TRIM45: variants seen among roughly 807,000 people sequenced by gnomAD.
TRIM45 encodes E3 ubiquitin-protein ligase TRIM45.
A neutral mutation model predicts 46.7 loss-of-function variants in TRIM45; 45 were observed. That is an observed-to-expected ratio of 0.96 (90% CI 0.76 to 1.24). TRIM45 has a LOEUF of 1.24. Among genes scored for constraint, TRIM45 ranks in the 50% most tolerant of loss-of-function variants. The pLI, the probability that TRIM45 is intolerant of heterozygous loss-of-function variation, is 0.00. For missense variants in TRIM45, 680 were observed against 728.4 expected, an observed-to-expected ratio of 0.93 and a Z score of 0.77; for synonymous variants, 259 against 285.8, an observed-to-expected ratio of 0.91 and a Z score of 0.94.
Position 117,118,692 on chromosome 1 carries a change from G to A in TRIM45, c.564C>T (p.Pro188=), listed in dbSNP as rs1650506585. 2 of 1,613,848 alleles carry A rather than the reference G, an allele frequency of 1.2e-6. No homozygotes were observed. The highest frequency in any genetic ancestry group is 2.2e-5 in the East Asian group (1 of 44,886). ...CTGCAGGGTGAACAGGACACAGGATGGGCTTCCCAATCCGGCTGTAGCCTT... is the reference window on the plus strand; with the variant it reads ...CTGCAGGGTGAACAGGACACAGGATAGGCTTCCCAATCCGGCTGTAGCCTT... ...DLKGYSRIGK[P]ILCPVHPAEE... Residue 188 remains proline, a synonymous_variant, in exon 2 of 6, where the codon CCC becomes CCT. Coordinates refer to ENST00000256649, the MANE Select transcript of TRIM45 (RefSeq NM_025188.4). The surrounding 1 kb of genome is among the most constrained non-coding windows in gnomAD (Gnocchi z 5.7).
Position 117,112,329 on chromosome 1 carries a change from A to C in TRIM45, c.1719T>G (p.Ser573Arg). Residue 573 changes from serine to arginine, a missense_variant, in exon 6 of 6, where the codon AGT becomes AGG. This residue lies in a region of TRIM45 where 322 missense variants were observed against 359.3 expected (regional missense o/e 0.90). Transcript: ENST00000256649. ...TWTGGQSAPRSLLRTVAL is the reference protein window; with the variant it reads ...TWTGGQSAPRRLLRTVAL ...ATCAGAGAGCCACAGTCCTAAGTAG[A>C]CTCCTCGGTGCGCTCTGCCCACCTG... The C allele has an allele frequency of 1.2e-6, 2 of 1,612,096 alleles. No homozygotes were observed. The highest frequency in any genetic ancestry group is 2.7e-5 in the African/African-American group (2 of 74,938).
rs1227505271 is a variant in TRIM45 at position 117,113,601 on chromosome 1, GGAC to G, written c.1468-119_1468-117del. 2.2e-6 allele frequency: 3 copies of G among 1,352,542 alleles called. No homozygotes were observed. The East Asian group carries it at 7.6e-5, about 34-fold the overall frequency. The allele number at this position is 1,352,542 out of a possible 1,614,324, so 83.8% of individuals were successfully genotyped here. A position where few individuals can be genotyped will look rare whatever the true frequency, so the allele number is the denominator to read the frequency against. Reference sequence around the variant, plus strand: ...ACAGGGCCTGTCCTTGGATGGACAAGGACAACAGGAAAGAAACAGATTAGAGGA... The same window carrying G: ...ACAGGGCCTGTCCTTGGATGGACAAGAACAGGAAAGAAACAGATTAGAGGA... On this transcript the variant is annotated intron_variant, in intron 4 of 5. Coordinates refer to ENST00000256649, the MANE Select transcript of TRIM45 (RefSeq NM_025188.4). The surrounding 1 kb of genome is among the most constrained non-coding windows in gnomAD (Gnocchi z 4.0).
rs1396678780 is a variant in TRIM45 at position 117,115,369 on chromosome 1, G to A, written c.1467+206C>T. Among the ~76,000 whole-genome samples, 2 of 152,180 alleles carry A rather than the reference G, an allele frequency of 1.3e-5. No homozygotes were observed. Among genetic ancestry groups the A allele is most frequent in the Admixed American group, 6.5e-5 (1 of 15,288 alleles). On this transcript the variant is annotated intron_variant, in intron 4 of 5. Coordinates refer to ENST00000256649, the MANE Select transcript of TRIM45 (RefSeq NM_025188.4). The surrounding 1 kb of genome is among the most constrained non-coding windows in gnomAD (Gnocchi z 4.2). ...TAAGCTATAAGCATAACTGCCTGGA[G>A]GTGACACAGGGATACAGGGTTCTTA...
rs1267923810 is a variant in TRIM45, at chr1:117,112,352, C to T, written c.1696G>A (p.Gly566Ser). The change falls in exon 6 of 6, where the codon GGT (glycine) becomes AGT (serine). Residue 566 changes from glycine (G) to serine (S), a missense_variant. This residue lies in a region of TRIM45 where 322 missense variants were observed against 359.3 expected (regional missense o/e 0.90). Transcript: ENST00000256649. ...FNEKSECTWT[G>S]GQSAPRSLLR... Reference sequence around the variant, plus strand: ...AGACTCCTCGGTGCGCTCTGCCCACCTGTCCATGTGCATTCAGATTTCTCA... The same window carrying T: ...AGACTCCTCGGTGCGCTCTGCCCACTTGTCCATGTGCATTCAGATTTCTCA... 1 of 1,613,916 alleles carries T rather than the reference C, an allele frequency of 6.2e-7. No individual in the cohort carries two copies. Among genetic ancestry groups the T allele is most frequent in the Non-Finnish European group, 8.5e-7 (1 of 1,179,966 alleles).
chr1:117,118,197 C>T lies in TRIM45; in HGVS notation c.1059G>A (p.Arg353=). 2 of 1,614,210 alleles carry T rather than the reference C, an allele frequency of 1.2e-6. No individual in the cohort carries two copies. Among genetic ancestry groups the T allele is most frequent in the Non-Finnish European group, 8.5e-7 (1 of 1,180,038 alleles). The change falls in exon 2 of 6, where the codon CGG becomes CGA. Residue 353 remains arginine, a synonymous_variant. Transcript: ENST00000256649. The surrounding 1 kb of genome is among the most constrained non-coding windows in gnomAD (Gnocchi z 5.7). The stretch of plus-strand genomic sequence containing the variant: ...ATTGAACTTTGTTCAGCTTCCTGAG[C>T]CGTTCTACCACCACCCTCTTGGTGA... ...ILITKRVVVE[R]LRKLNKVQYS...
Position 117,118,665 on chromosome 1 carries a change from C to A in TRIM45, c.591G>T (p.Glu197Asp), listed in dbSNP as rs1188089595. The change falls in exon 2 of 6, where the codon GAG becomes GAT. Residue 197 changes from glutamate to aspartate, a missense_variant. Glu to Asp is a conservative substitution (Grantham distance 45). This residue lies in a region of TRIM45 where 349 missense variants were observed against 343.6 expected (regional missense o/e 1.02). Transcript: ENST00000256649. This position sits in a 1 kb window ranked among gnomAD's most constrained non-coding sequence, Gnocchi z 5.7. Reference sequence around the variant, plus strand: ...AGAACTCACAGAACAGCCTCAGTTCCTCTGCAGGGTGAACAGGACACAGGA... The same window carrying A: ...AGAACTCACAGAACAGCCTCAGTTCATCTGCAGGGTGAACAGGACACAGGA... Reference protein sequence around the residue: ...KPILCPVHPAEELRLFCEFCD... With the variant: ...KPILCPVHPADELRLFCEFCD... 5.6e-6 allele frequency: 9 copies of A among 1,613,888 alleles called. No individual in the cohort carries two copies. The highest frequency in any genetic ancestry group is 1.6e-4 in the Middle Eastern group (1 of 6,084).
chr1:117,111,187 A>G lies in TRIM45; in HGVS notation c.*1118T>C, dbSNP rs1228410835. 1 of 152,180 alleles carries G rather than the reference A, an allele frequency of 6.6e-6. No homozygotes were observed. The allele number at this position is 152,180 out of a possible 1,614,324, so 9.4% of individuals were successfully genotyped here. ...CAGTGCTGTGTACATCCTCTCCCCAAATTCTCCAGCAGCTAAGAAGGCACA... is the reference window on the plus strand; with the variant it reads ...CAGTGCTGTGTACATCCTCTCCCCAGATTCTCCAGCAGCTAAGAAGGCACA... On this transcript the variant is annotated 3_prime_UTR_variant, in exon 6 of 6. Transcript: ENST00000256649.
At position 117,113,306 on chromosome 1, in the gene TRIM45, G is replaced by A. The variant is rs923278899; in HGVS notation, c.1594+53C>T. On this transcript the variant is annotated intron_variant, in intron 5 of 5. Coordinates refer to ENST00000256649, the MANE Select transcript of TRIM45 (RefSeq NM_025188.4). The surrounding 1 kb of genome is among the most constrained non-coding windows in gnomAD (Gnocchi z 4.0). ...GCTGTGTGGTAGGGAAGGGCCCGTC[G>A]CTTGATTCCCACTGCTGGCAGAAAG... 47 of 1,599,204 alleles carry A rather than the reference G, an allele frequency of 2.9e-5. No homozygotes were observed. In the East Asian group the frequency reaches 6.3e-4, roughly 21 times the overall value.
rs767508668 is a variant in TRIM45 at position 117,112,413 on chromosome 1, T to G, written c.1635A>C (p.Pro545=). 1.5e-5 allele frequency: 24 copies of G among 1,613,926 alleles called. No individual in the cohort carries two copies. Among genetic ancestry groups the G allele is most frequent in the Non-Finnish European group, 1.9e-5 (23 of 1,179,970 alleles). The part of the protein sequence containing the change: ...LGCGHGHKGH[P]GHPHWSCCGK... ...CACAGCATGACCAGTGGGGATGACC[T>G]GGGTGGCCTTTGTGTCCATGGCCAC... Residue 545 remains proline, a synonymous_variant, in exon 6 of 6, where the codon CCA becomes CCC. Transcript: ENST00000256649.
rs1650210696 is a variant in TRIM45 at position 117,111,604 on chromosome 1, T to C, written c.*701A>G. The C allele has an allele frequency of 6.6e-6, 1 of 152,098 alleles. No individual in the cohort carries two copies. The highest frequency in any genetic ancestry group is 1.5e-5 in the Non-Finnish European group (1 of 68,032). 9.4% of individuals were successfully genotyped at this position (152,098 alleles called of 1,614,324 possible). On this transcript the variant is annotated 3_prime_UTR_variant, in exon 6 of 6. Coordinates refer to ENST00000256649, the MANE Select transcript of TRIM45 (RefSeq NM_025188.4). ...AGGATGAAAGGAGGTTTCTAATCTCTAGGGGAAATATCTAAATAATGTGTA... is the reference window on the plus strand; with the variant it reads ...AGGATGAAAGGAGGTTTCTAATCTCCAGGGGAAATATCTAAATAATGTGTA...
rs902044036 is a variant in TRIM45 at position 117,117,285 on chromosome 1, G to A, written c.1223-540C>T. ...ACCTGAGGTTCATGAACTACTATGAGGTCTATGGAAAGGCTTATGAAGAGT... is the reference window on the plus strand; with the variant it reads ...ACCTGAGGTTCATGAACTACTATGAAGTCTATGGAAAGGCTTATGAAGAGT... On this transcript the variant is annotated intron_variant, in intron 2 of 5. Coordinates refer to ENST00000256649, the MANE Select transcript of TRIM45 (RefSeq NM_025188.4). The surrounding 1 kb of genome is among the most constrained non-coding windows in gnomAD (Gnocchi z 4.9). Among the ~76,000 whole-genome samples, 1 of 152,102 alleles carries A rather than the reference G, an allele frequency of 6.6e-6. No individual in the cohort carries two copies. The highest frequency in any genetic ancestry group is 1.5e-5 in the Non-Finnish European group (1 of 68,016).
rs1377214578 is a variant in TRIM45, at chr1:117,118,713, GC to G, written c.542del (p.Gly181AlafsTer19). On this transcript the variant is annotated frameshift_variant, in exon 2 of 6. Transcript: ENST00000256649. LOFTEE classifies it high-confidence loss of function. The surrounding 1 kb of genome is among the most constrained non-coding windows in gnomAD (Gnocchi z 5.7). ...GGATGGGCTTCCCAATCCGGCTGTA[GC>G]CTTTCAAGTCTTTTAGGTCCACCAT... The part of the protein sequence containing the change: ...HTMVDLKDLK[G>X]YSRIGKPILC... The G allele has an allele frequency of 4.3e-6, 7 of 1,613,560 alleles. No individual in the cohort carries two copies. The highest frequency in any genetic ancestry group is 5.9e-6 in the Non-Finnish European group (7 of 1,180,062).
chr1:117,123,896 G>A (rs972248547), upstream of TRIM45, among the ~76,000 whole-genome samples: 1 of 152,082 alleles, frequency 6.6e-6, no homozygotes, highest in African/African-American at 2.4e-5. Flanking sequence ...CTCCCAAAGC[G>A]CTGGGATTAC....
rs1650196548 is a variant in TRIM45, at chr1:117,111,224, G to A, written c.*1081C>T. 6.6e-6 allele frequency: 1 copy of A among 152,174 alleles called. No individual in the cohort carries two copies. The allele number at this position is 152,174 out of a possible 1,614,324, so 9.4% of individuals were successfully genotyped here. A position where few individuals can be genotyped will look rare whatever the true frequency, so the allele number is the denominator to read the frequency against. Reference sequence around the variant, plus strand: ...GCTAAGAAGGCACACTATGAGTGAAGGCACAGTAAGAGTCAAAGCTCCCAG... The same window carrying A: ...GCTAAGAAGGCACACTATGAGTGAAAGCACAGTAAGAGTCAAAGCTCCCAG... On this transcript the variant is annotated 3_prime_UTR_variant, in exon 6 of 6. Transcript: ENST00000256649.
At position 117,115,571 on chromosome 1, in the gene TRIM45, T is replaced by C. The variant is rs1255885087; in HGVS notation, c.1467+4A>G. 5.0e-6 allele frequency: 8 copies of C among 1,608,844 alleles called. No individual in the cohort carries two copies. The highest frequency in any genetic ancestry group is 6.8e-6 in the Non-Finnish European group (8 of 1,175,316). On this transcript the variant is annotated splice_donor_region_variant and intron_variant, in intron 4 of 5. Transcript: ENST00000256649. The surrounding 1 kb of genome is among the most constrained non-coding windows in gnomAD (Gnocchi z 4.2). ...GCTCAGGGAAGCACGTGCACCAGTCTTACCTGCACATGCTGTTCTTTGATG... is the reference window on the plus strand; with the variant it reads ...GCTCAGGGAAGCACGTGCACCAGTCCTACCTGCACATGCTGTTCTTTGATG...
chr1:117,115,263 G>A lies in TRIM45; in HGVS notation c.1467+312C>T, dbSNP rs759314564. On this transcript the variant is annotated intron_variant, in intron 4 of 5. Coordinates refer to ENST00000256649, the MANE Select transcript of TRIM45 (RefSeq NM_025188.4). The surrounding 1 kb of genome is among the most constrained non-coding windows in gnomAD (Gnocchi z 4.2). ...AGATTATATTTTTTGAATATGCATGGTTGTCTGCTGGCAGATCACCCCCTG... is the reference window on the plus strand; with the variant it reads ...AGATTATATTTTTTGAATATGCATGATTGTCTGCTGGCAGATCACCCCCTG... Among the ~76,000 whole-genome samples, 6 of 152,092 alleles carry A rather than the reference G, an allele frequency of 3.9e-5. No homozygotes were observed. Among genetic ancestry groups the A allele is most frequent in the African/African-American group, 9.7e-5 (4 of 41,418 alleles).
In TRIM45 at chr1:117,121,147, T is replaced by A. The variant is rs1650610088; in HGVS notation, c.55A>T (p.Thr19Ser). The change falls in exon 1 of 6, where the codon ACT (threonine) becomes TCT (serine). Residue 19 changes from threonine (T) to serine (S), a missense_variant. Coordinates refer to ENST00000256649, the MANE Select transcript of TRIM45 (RefSeq NM_025188.4). This position sits in a 1 kb window ranked among gnomAD's most constrained non-coding sequence, Gnocchi z 4.2. The stretch of plus-strand genomic sequence containing the variant: ...GTCTTGCCTGAGTTCCCAAGTGCAG[T>A]CCCACTAGTGAGTTTGCTTACAAAG... The part of the protein sequence containing the change: ...LGFVSKLTSG[T>S]ALGNSGKTHC... 6.2e-7 allele frequency: 1 copy of A among 1,603,850 alleles called. No individual in the cohort carries two copies. The highest frequency in any genetic ancestry group is 1.3e-5 in the African/African-American group (1 of 74,182).
At chr1:117,120,042 C>A (rs115374424) in intron 1 of TRIM45, among the ~76,000 whole-genome samples, 101 of 152,234 alleles carry the variant, frequency 6.6e-4, no homozygotes, top group African/African-American at 2.3e-3. Context: ...CAAAAGTGAT[C>A]CATCTGACAA....
rs549243760 is a variant in TRIM45 at position 117,115,897 on chromosome 1, T to TTA, written c.1353-209_1353-208insTA. On this transcript the variant is annotated intron_variant, in intron 3 of 5. Coordinates refer to ENST00000256649, the MANE Select transcript of TRIM45 (RefSeq NM_025188.4). This position sits in a 1 kb window ranked among gnomAD's most constrained non-coding sequence, Gnocchi z 4.2. ...CAATTTAGTCTGATATTCAGACAAA[T>TTA]TCCTTGAATATATTATTGTGTCCTT... Among the ~76,000 whole-genome samples, 7 of 152,228 alleles carry TTA rather than the reference T, an allele frequency of 4.6e-5. No individual in the cohort carries two copies. The highest frequency in any genetic ancestry group is 7.3e-5 in the Non-Finnish European group (5 of 68,044).
Sources: allele counts gnomAD v4.1 joint callset (sites outside exome capture counted in the v4.1 genomes callset), GRCh38; gene constraint gnomAD v4.1.1; regional missense constraint gnomAD v4.1.1; non-coding constraint Gnocchi (gnomAD v3.1); transcripts MANE v1.5; gene names NCBI Gene and HGNC (gene_info 2026-07-23, HGNC 2026-07-21).